Variants in GRXCR2 observed in about 807,000 individuals in gnomAD.
GRXCR2 encodes the protein glutaredoxin domain-containing cysteine-rich protein 2.
In GRXCR2, 23 loss-of-function variants were observed where a neutral mutation model predicts 24.8. That is an observed-to-expected ratio of 0.93 (90% CI 0.67 to 1.32). GRXCR2 has a LOEUF of 1.32. Among genes scored for constraint, GRXCR2 ranks in the 40% most tolerant of loss-of-function variants. GRXCR2 has a pLI of 0.00. For synonymous variants in GRXCR2, 130 were observed against 116.1 expected (o/e 1.12, Z -0.77); for missense variants, 315 against 303.4 (o/e 1.04, Z -0.28).
At chr5:145,926,910 G>A (rs1266093537) in intron 2 of GRXCR2, among the ~76,000 whole-genome samples, 1 of 152,140 alleles carries the variant, frequency 6.6e-6, no homozygotes, top group African/African-American at 2.4e-5. Context: ...TCCTTGAGCA[G>A]TGGTTTGTAG....
chr5:145,929,850 A>G (rs771089764), intron 2 of GRXCR2, among the ~76,000 whole-genome samples: 4 of 152,096 alleles, frequency 2.6e-5, no homozygotes, highest in Non-Finnish European at 2.9e-5. Context: ...ATCCCCATTT[A>G]TGGCACAGAA....
intron 2 of GRXCR2, among the ~76,000 whole-genome samples, chr5:145,910,632 G>A (rs555156228): frequency 2.0e-4 from 31 of 152,178 alleles, no homozygotes; most frequent in African/African-American, 5.8e-4. Flanking sequence ...CTGAGATACA[G>A]TAGTGACACA....
At chr5:145,870,239 C>T (rs1297625828) in intron 1 of GRXCR2, among the ~76,000 whole-genome samples, 3 of 152,116 alleles carry the variant, frequency 2.0e-5, no homozygotes, top group East Asian at 3.9e-4. Flanking sequence ...CTCTTCTTCT[C>T]CCCTGCCCCC....
chr5:145,883,048 G>A (rs1425129484), intron 2 of GRXCR2, among the ~76,000 whole-genome samples: 19 of 150,766 alleles, frequency 1.3e-4, no homozygotes, highest in Admixed American at 1.2e-3. Context: ...GGGAGGGATA[G>A]CATTAGGAGA....
At chr5:145,889,409 TG>T (rs1756830459) in intron 2 of GRXCR2, among the ~76,000 whole-genome samples, 2 of 152,044 alleles carry the variant, frequency 1.3e-5, no homozygotes, top group Non-Finnish European at 1.5e-5. Context: ...ATACCACCTG[TG>T]CCCCAATAAC....
At chr5:145,928,663 A>G (rs892621483) in intron 2 of GRXCR2, among the ~76,000 whole-genome samples, 1 of 150,438 alleles carries the variant, frequency 6.6e-6, no homozygotes, top group Non-Finnish European at 1.5e-5. Flanking sequence ...CAAAAAACCA[A>G]ACACCACATG....
chr5:145,884,567 A>T (rs2149916544), intron 2 of GRXCR2, among the ~76,000 whole-genome samples: 1 of 152,268 alleles, frequency 6.6e-6, no homozygotes, highest in African/African-American at 2.4e-5. Flanking sequence ...TAAAAAGTTT[A>T]TCCCCTCAAT....
chr5:145,857,984 G>T (rs2149906700), downstream of GRXCR2, among the ~76,000 whole-genome samples: 1 of 152,278 alleles, frequency 6.6e-6, no homozygotes, highest in East Asian at 1.9e-4. Flanking sequence ...ATGCAGCGGG[G>T]CTCAAACAAT....
chr5:145,881,590 G>A (rs1451379835), intron 2 of GRXCR2, among the ~76,000 whole-genome samples: 1 of 152,148 alleles, frequency 6.6e-6, no homozygotes, highest in East Asian at 1.9e-4. Flanking sequence ...TTGTGAAAAT[G>A]GCCATGCTGT....
intron 1 of GRXCR2, among the ~76,000 whole-genome samples, chr5:145,871,986 G>A (rs1358573549): frequency 6.6e-6 from 1 of 152,094 alleles, no homozygotes; most frequent in African/African-American, 2.4e-5. Flanking sequence ...GATTATCCAT[G>A]GTACTGGGAA....
chr5:145,926,271 T>A (rs563494505), intron 2 of GRXCR2, among the ~76,000 whole-genome samples: 8 of 152,172 alleles, frequency 5.3e-5, no homozygotes, highest in African/African-American at 1.9e-4. Flanking sequence ...TCAACTGTAA[T>A]GCATAAGCTA....
At chr5:145,908,803 C>A (rs1318552972) in intron 2 of GRXCR2, among the ~76,000 whole-genome samples, 5 of 152,140 alleles carry the variant, frequency 3.3e-5, no homozygotes, top group Non-Finnish European at 7.3e-5. Flanking sequence ...TCCAAGATTA[C>A]TCAAGGCTGC....
chr5:145,912,973 T>A (rs73308195), intron 2 of GRXCR2, among the ~76,000 whole-genome samples: 5,406 of 152,332 alleles, frequency 0.035, 268 homozygotes, highest in African/African-American at 0.11. Flanking sequence ...TTTTAAACAG[T>A]AACCCTGGTC....
chr5:145,886,200 G>T, intron 2 of GRXCR2, among the ~76,000 whole-genome samples: 1 of 152,204 alleles, frequency 6.6e-6, no homozygotes, highest in East Asian at 1.9e-4. Flanking sequence ...TATGGTGTTG[G>T]TTCTCTAAGC....
At chr5:145,919,066 G>C (rs1015688219) in intron 2 of GRXCR2, among the ~76,000 whole-genome samples, 5 of 152,172 alleles carry the variant, frequency 3.3e-5, no homozygotes, top group African/African-American at 1.2e-4. Flanking sequence ...CTGAGCATCT[G>C]TTCTTGCGGT....
chr5:145,925,324 T>A (rs1207908868), intron 2 of GRXCR2, among the ~76,000 whole-genome samples: 1 of 152,172 alleles, frequency 6.6e-6, no homozygotes, highest in Non-Finnish European at 1.5e-5. Context: ...TCAATTAATA[T>A]CTATATCTTT....
intron 2 of GRXCR2, among the ~76,000 whole-genome samples, chr5:145,878,523 G>A (rs1252669452): frequency 6.6e-6 from 1 of 152,030 alleles, no homozygotes; most frequent in African/African-American, 2.4e-5. Context: ...AATGAACAAA[G>A]CCTCCGAGAA....
intron 2 of GRXCR2, among the ~76,000 whole-genome samples, chr5:145,904,560 T>C (rs1164815981): frequency 6.6e-6 from 1 of 152,188 alleles, no homozygotes; most frequent in Non-Finnish European, 1.5e-5. Flanking sequence ...ACACAAATCC[T>C]CATACCCCTT....
intron 2 of GRXCR2, among the ~76,000 whole-genome samples, chr5:145,885,488 T>A (rs772940373): frequency 1.3e-5 from 2 of 152,180 alleles, no homozygotes; most frequent in Admixed American, 6.5e-5. Context: ...CCAGCCCATC[T>A]AAAGTGTAGG....
Sources: gnomAD v4.1 joint callset for allele counts (sites outside exome capture counted in the v4.1 genomes callset) on GRCh38, gnomAD v4.1.1 for gene constraint, MANE v1.5 for transcripts, NCBI Gene and HGNC (gene_info 2026-07-23, HGNC 2026-07-21) for gene names.